The following FAF2 variants were observed in gnomAD, a reference collection of about 807,000 sequenced individuals.
FAF2 encodes Fas associated factor family member 2.
Under a neutral mutation model 62.3 loss-of-function variants are expected in FAF2, and 9 were observed. The observed-to-expected ratio is 0.14, with a 90% CI of 0.09 to 0.25. FAF2 has a LOEUF of 0.25. FAF2 is among the 10% of genes least tolerant of loss of function. The probability of loss-of-function intolerance (pLI) is 1.00; values close to 1 mark genes in which losing one functional copy is unlikely to be tolerated. For missense variants in FAF2, 368 were observed against 556.2 expected (o/e 0.66, Z 3.40); for synonymous variants, 202 against 198.0 (o/e 1.02, Z -0.17).
At chr5:176,505,731 A>G (rs918675812) in intron 10 of FAF2, among the ~76,000 whole-genome samples, 2 of 152,114 alleles carry the variant, frequency 1.3e-5, no homozygotes, top group East Asian at 1.9e-4. Context: ...TTCCATTTCT[A>G]CTTACTTCGC....
intron 1 of FAF2, among the ~76,000 whole-genome samples, chr5:176,466,830 A>G (rs1758477149): frequency 6.6e-6 from 1 of 152,206 alleles, no homozygotes; most frequent in Admixed American, 6.5e-5. Context: ...AGTAGTATAG[A>G]ATAGTTCACA....
intron 10 of FAF2, among the ~76,000 whole-genome samples, chr5:176,500,498 C>T (rs1755574958): frequency 6.6e-6 from 1 of 152,174 alleles, no homozygotes; most frequent in Non-Finnish European, 1.5e-5. Flanking sequence ...TTCAGAATCC[C>T]ACCAGAACCC....
chr5:176,467,990 C>A (rs1167198864), intron 1 of FAF2, among the ~76,000 whole-genome samples: 1 of 151,974 alleles, frequency 6.6e-6, no homozygotes, highest in Non-Finnish European at 1.5e-5. Flanking sequence ...CATGGTGAAA[C>A]CCTGTCTCTA....
rs149242221 is a variant in FAF2, at chr5:176,468,849, C to T, written c.64-10339C>T. Among the ~76,000 whole-genome samples, 632 of 151,070 alleles carry T rather than the reference C, an allele frequency of 4.2e-3. 7 individuals are homozygous for T. Among genetic ancestry groups the T allele is most frequent in the African/African-American group, 0.015 (607 of 41,172 alleles). ...GTCCTAGCTACTTGGGAGGCTGAGG[C>T]AGAAGGAGTACTTGAGCCCAGGAGC... On this transcript the variant is annotated intron_variant, in intron 1 of 10. Transcript: ENST00000261942.
intron 2 of FAF2, among the ~76,000 whole-genome samples, chr5:176,484,157 C>T (rs759223886): frequency 2.7e-4 from 41 of 152,114 alleles, no homozygotes; most frequent in Non-Finnish European, 2.9e-5. Flanking sequence ...CCTGCAGAGT[C>T]GGGACACATT....
At chr5:176,468,299 T>C (rs1758506802) in intron 1 of FAF2, among the ~76,000 whole-genome samples, 1 of 151,732 alleles carries the variant, frequency 6.6e-6, no homozygotes, top group African/African-American at 2.4e-5. Flanking sequence ...TAGAAGTAAA[T>C]AGAGGCTGGG....
intron 3 of FAF2, 106 bp from the exon 4 acceptor site, chr5:176,488,845 C>A (rs1758920454): frequency 1.2e-6 from 1 of 845,550 alleles, no homozygotes. Context: ...TTTAGAGGAA[C>A]AAATCACATG....
At chr5:176,452,006 A>T in intron 1 of FAF2, among the ~76,000 whole-genome samples, 1 of 136,858 alleles carries the variant, frequency 7.3e-6, no homozygotes, top group Admixed American at 8.2e-5. Context: ...GGCTCAAGTG[A>T]TCCTCCCACC....
chr5:176,451,884 ATATATATATTTTTTTTTTTTT>A lies in FAF2; in HGVS notation c.63+3416_63+3436del, dbSNP rs1561813649. ...CATATATATATACACACATATATAT[ATATATATATTTTTTTTTTTTT>A]TTTTTTTTTTTTTTTTGAGACAACA... On this transcript the variant is annotated intron_variant, in intron 1 of 10. Transcript: ENST00000261942. Among the ~76,000 whole-genome samples the A allele has an allele frequency of 2.9e-3, 81 of 28,344 alleles. 5 individuals carry two copies. The East Asian group carries it at 0.043, about 15-fold the overall frequency. The allele number at this position is 28,344 out of a possible 152,430, so 18.6% of individuals were successfully genotyped here. A position where few individuals can be genotyped will look rare whatever the true frequency, so the allele number is the denominator to read the frequency against.
chr5:176,489,152 C>T (rs1273792210), intron 4 of FAF2, 125 bp downstream of exon 4: 1 of 620,268 alleles, frequency 1.6e-6, no homozygotes, highest in Non-Finnish European at 2.8e-6. Flanking sequence ...GAATACACTT[C>T]CCGAACTGTC....
At chr5:176,458,228 C>T (rs536485819) in intron 1 of FAF2, among the ~76,000 whole-genome samples, 1 of 152,018 alleles carries the variant, frequency 6.6e-6, no homozygotes, top group African/African-American at 2.4e-5. Context: ...ACCACAGGCA[C>T]GTGCCACCAC....
intron 10 of FAF2, among the ~76,000 whole-genome samples, chr5:176,505,009 C>T (rs114640249): frequency 0.089 from 12,346 of 138,928 alleles, 850 homozygotes; most frequent in East Asian, 0.28. Context: ...GGCGACAGAG[C>T]AAGACCTGTC....
intron 3 of FAF2, among the ~76,000 whole-genome samples, chr5:176,487,332 C>T (rs1287434246): frequency 3.3e-5 from 5 of 151,994 alleles, no homozygotes; most frequent in African/African-American, 9.7e-5. Context: ...TACAGGTGTG[C>T]GCCACCATCC....
chr5:176,465,598 C>G (rs527641428), intron 1 of FAF2, among the ~76,000 whole-genome samples: 1 of 152,270 alleles, frequency 6.6e-6, no homozygotes, highest in South Asian at 2.1e-4. Flanking sequence ...AACTCCTGAC[C>G]TCAGGTGATC....
intron 1 of FAF2, among the ~76,000 whole-genome samples, chr5:176,465,366 CTTTT>C (rs70991554): frequency 1.3e-4 from 15 of 115,714 alleles, no homozygotes; most frequent in Non-Finnish European, 2.4e-4. Context: ...CTTTTTCTTT[CTTTT>C]TTTTTTTTTT....
At chr5:176,452,144 G>A (rs1581465952) in intron 1 of FAF2, among the ~76,000 whole-genome samples, 1 of 151,250 alleles carries the variant, frequency 6.6e-6, no homozygotes, top group East Asian at 1.9e-4. Flanking sequence ...TGCAGCCTCT[G>A]CCTCCCAGGT....
intron 10 of FAF2, 108 bp downstream of exon 10, chr5:176,500,254 C>G: frequency 9.0e-7 from 1 of 1,112,138 alleles, no homozygotes; most frequent in East Asian, 2.4e-5. Context: ...CTCTGATGAA[C>G]AGGGAACAGA....
In FAF2 at chr5:176,457,921, C is replaced by A. The variant is rs144273885; in HGVS notation, c.63+9451C>A. Among the ~76,000 whole-genome samples the A allele has an allele frequency of 6.4e-4, 98 of 152,208 alleles. 1 individual carries two copies. Among genetic ancestry groups the A allele is most frequent in the African/African-American group, 2.3e-3 (96 of 41,536 alleles). On this transcript the variant is annotated intron_variant, in intron 1 of 10. Transcript: ENST00000261942. Reference sequence around the variant, plus strand: ...CAAAAAGTCACAGTCCTTAGTTAACCCTCTTGTCATATGCATTGCCACTGC... The same window carrying A: ...CAAAAAGTCACAGTCCTTAGTTAACACTCTTGTCATATGCATTGCCACTGC...
intron 10 of FAF2, among the ~76,000 whole-genome samples, chr5:176,504,287 T>C (rs1323616948): frequency 2.0e-5 from 3 of 151,832 alleles, no homozygotes; most frequent in Non-Finnish European, 4.4e-5. Flanking sequence ...ACCAGCCTAA[T>C]GAAACCCTGT....
Sources: gnomAD v4.1 joint callset for allele counts (sites outside exome capture counted in the v4.1 genomes callset) on GRCh38, gnomAD v4.1.1 for gene constraint, MANE v1.5 for transcripts, NCBI Gene and HGNC (gene_info 2026-07-23, HGNC 2026-07-21) for gene names.